The following ADGRL2 variants were observed in gnomAD, a reference collection of about 807,000 sequenced individuals.
ADGRL2 encodes the protein calcium-independent alpha-latrotoxin receptor 2.
Under a neutral mutation model 157.4 loss-of-function variants are expected in ADGRL2, and 44 were observed. The observed-to-expected ratio is 0.28, with a 90% confidence interval of 0.22 to 0.36. The LOEUF (loss-of-function observed/expected upper bound fraction) is 0.36, where lower values mean the gene tolerates loss of function less well. Ranked by LOEUF, ADGRL2 falls within the 10% of genes least tolerant of loss-of-function variation. The pLI is 1.00. For synonymous variants in ADGRL2, 585 were observed against 624.7 expected, an observed-to-expected ratio of 0.94 and a Z score of 0.95; for missense variants, 1,510 against 1,768.9, an observed-to-expected ratio of 0.85 and a Z score of 2.63.
At chr1:81,499,459 A>G (rs2078797748) in intron 2 of ADGRL2, among the ~76,000 whole-genome samples, 1 of 152,218 alleles carries the variant, frequency 6.6e-6, no homozygotes, top group South Asian at 2.1e-4. Context: ...ATAGAATGGG[A>G]CTTGAACCCG....
At chr1:81,753,443 T>C (rs951089666) in intron 1 of ADGRL2, among the ~76,000 whole-genome samples, 8 of 152,172 alleles carry the variant, frequency 5.3e-5, no homozygotes, top group African/African-American at 1.9e-4. Context: ...TTATGGAAGC[T>C]ACAAGATGAG....
chr1:81,400,114 C>T (rs76630952), intron 1 of ADGRL2, among the ~76,000 whole-genome samples: 6,961 of 152,098 alleles, frequency 0.046, 208 homozygotes, highest in Non-Finnish European at 0.063. Flanking sequence ...GTGCTGGTAG[C>T]ATAGGTGATT....
At chr1:81,390,785 T>A (rs2076532640) in intron 1 of ADGRL2, among the ~76,000 whole-genome samples, 1 of 152,422 alleles carries the variant, frequency 6.6e-6, no homozygotes, top group Non-Finnish European at 1.5e-5. Flanking sequence ...AAGTATTTCA[T>A]TATATGAATG....
intron 2 of ADGRL2, among the ~76,000 whole-genome samples, chr1:81,482,746 T>C (rs1156564416): frequency 2.0e-5 from 3 of 151,998 alleles, no homozygotes; most frequent in African/African-American, 7.2e-5. Flanking sequence ...AATTTCTTCC[T>C]ATAGGTTATC....
chr1:81,386,638 T>C (rs1360915069), intron 1 of ADGRL2, among the ~76,000 whole-genome samples: 1 of 152,178 alleles, frequency 6.6e-6, no homozygotes, highest in African/African-American at 2.4e-5. Context: ...ATGTACTGTA[T>C]GTACTAACTT....
At chr1:81,909,082 G>A (rs1017420273) in intron 3 of ADGRL2, among the ~76,000 whole-genome samples, 3 of 151,934 alleles carry the variant, frequency 2.0e-5, no homozygotes, top group African/African-American at 4.8e-5. Flanking sequence ...TACCATGTTG[G>A]CCAGGCTGGT....
chr1:81,438,343 A>C (rs1187870545), intron 1 of ADGRL2, among the ~76,000 whole-genome samples: 1 of 152,020 alleles, frequency 6.6e-6, no homozygotes, highest in Non-Finnish European at 1.5e-5. Flanking sequence ...TTTAGAATTA[A>C]ATAATTAAAC....
intron 2 of ADGRL2, among the ~76,000 whole-genome samples, chr1:81,520,206 C>T (rs2079279670): frequency 6.6e-6 from 1 of 152,002 alleles, no homozygotes; most frequent in Admixed American, 6.6e-5. Context: ...TTGCCTGCTG[C>T]CTTTTGGGTT....
intron 3 of ADGRL2, among the ~76,000 whole-genome samples, chr1:81,689,925 G>A (rs1426260073): frequency 6.6e-6 from 1 of 152,078 alleles, no homozygotes; most frequent in Non-Finnish European, 1.5e-5. Flanking sequence ...CCCAGTCTTT[G>A]GATGAGATCT....
intron 2 of ADGRL2, among the ~76,000 whole-genome samples, chr1:81,492,010 C>T (rs2078643248): frequency 6.6e-6 from 1 of 152,082 alleles, no homozygotes; most frequent in Non-Finnish European, 1.5e-5. Context: ...ACCATAGAGG[C>T]CCTCATCTTC....
chr1:81,677,292 T>C (rs750627922), intron 3 of ADGRL2, among the ~76,000 whole-genome samples: 2 of 152,174 alleles, frequency 1.3e-5, no homozygotes, highest in Non-Finnish European at 2.9e-5. Flanking sequence ...GCCCAACTCA[T>C]TGGATTTTTA....
intron 3 of ADGRL2, among the ~76,000 whole-genome samples, chr1:81,922,312 C>G (rs553198928): frequency 1.7e-4 from 26 of 152,070 alleles, no homozygotes; most frequent in Admixed American, 7.2e-4. Context: ...GTTTCTTTTT[C>G]CTTTCGGGCA....
chr1:81,458,828 T>G (rs2077861657), intron 2 of ADGRL2, among the ~76,000 whole-genome samples: 1 of 152,202 alleles, frequency 6.6e-6, no homozygotes, highest in Non-Finnish European at 1.5e-5. Context: ...TCATTCCTCC[T>G]GACTGCAGCT....
intron 1 of ADGRL2, among the ~76,000 whole-genome samples, chr1:81,315,388 T>C (rs1441664209): frequency 6.6e-6 from 1 of 152,180 alleles, no homozygotes; most frequent in African/African-American, 2.4e-5. Flanking sequence ...TGTTTTACTC[T>C]ATGTAGCAGT....
chr1:81,745,638 T>C (rs17107082), intron 1 of ADGRL2, among the ~76,000 whole-genome samples: 2,011 of 152,330 alleles, frequency 0.013, 43 homozygotes, highest in African/African-American at 0.046. Context: ...AATAGGGTTC[T>C]ACCTTGAATA....
chr1:81,682,679 C>G (rs927036613), intron 3 of ADGRL2, among the ~76,000 whole-genome samples: 11 of 152,144 alleles, frequency 7.2e-5, no homozygotes, highest in African/African-American at 2.7e-4. Context: ...TGTGATAACG[C>G]TATATAGGAG....
chr1:81,384,333 T>C (rs112246386), intron 1 of ADGRL2, among the ~76,000 whole-genome samples: 5 of 152,154 alleles, frequency 3.3e-5, no homozygotes, highest in Admixed American at 3.3e-4. Flanking sequence ...CTCATTTACA[T>C]AGAAAAAAGG....
chr1:81,511,606 T>C (rs1570335573), intron 2 of ADGRL2, among the ~76,000 whole-genome samples: 1 of 152,144 alleles, frequency 6.6e-6, no homozygotes, highest in Non-Finnish European at 1.5e-5. Context: ...GGCCAAAGTA[T>C]TTTATTTTAA....
At chr1:81,726,020 C>A (rs1466459529) in intron 1 of ADGRL2, among the ~76,000 whole-genome samples, 1 of 151,964 alleles carries the variant, frequency 6.6e-6, no homozygotes, top group Admixed American at 6.6e-5. Flanking sequence ...AACCCAAAAA[C>A]CAAAACAATC....
Sources: allele counts gnomAD v4.1 joint callset (sites outside exome capture counted in the v4.1 genomes callset), GRCh38; gene constraint gnomAD v4.1.1; transcripts MANE v1.5; gene names NCBI Gene and HGNC (gene_info 2026-07-23, HGNC 2026-07-21).